The following VAV2 variants were observed in gnomAD, a reference collection of about 807,000 sequenced individuals.
The protein encoded by VAV2 is guanine nucleotide exchange factor VAV2.
A neutral mutation model predicts 132.5 loss-of-function variants in VAV2; 67 were observed. The ratio of observed to expected loss-of-function variants is 0.51; its 90% CI spans 0.42 to 0.62. The LOEUF is 0.62. Ranked by LOEUF, VAV2 falls within the 20% of genes least tolerant of loss-of-function variation. The probability of loss-of-function intolerance (pLI) is 0.00; values close to 1 mark genes in which losing one functional copy is unlikely to be tolerated. For synonymous variants in VAV2, 492 were observed against 443.5 expected (o/e 1.11, Z -1.37); for missense variants, 938 against 1,153.6 (o/e 0.81, Z 2.71).
intron 1 of VAV2, among the ~76,000 whole-genome samples, chr9:133,940,672 C>CGTGTGTGCGTGTGTGTGT (rs1841108049): frequency 7.2e-6 from 1 of 139,240 alleles, no homozygotes; most frequent in Non-Finnish European, 1.6e-5. Flanking sequence ...TGTCCACGTG[C>CGTGTGTGCGTGTGTGTGT]GTGTGTGTGT....
intron 16 of VAV2, among the ~76,000 whole-genome samples, chr9:133,786,850 G>A (rs1247944001): frequency 6.6e-6 from 1 of 152,228 alleles, no homozygotes; most frequent in African/African-American, 2.4e-5. Flanking sequence ...ACGAAGGGAG[G>A]GATGGAGAGG....
chr9:133,788,996 G>C lies in VAV2; in HGVS notation c.1274+262C>G, dbSNP rs896840951. On this transcript the variant is annotated intron_variant, in intron 14 of 29. Transcript: ENST00000371850. This position sits in a 1 kb window ranked among gnomAD's most constrained non-coding sequence, Gnocchi z 5.3. The stretch of plus-strand genomic sequence containing the variant: ...CTTGGGTTCCTGGAGGCTGAGCATT[G>C]GCAGTGAGGGGCCTGGCCCTCATCT... 6.6e-6 allele frequency among the ~76,000 whole-genome samples: 1 copy of C among 152,236 alleles called. No individual in the cohort carries two copies. The highest frequency in any genetic ancestry group is 1.5e-5 in the Non-Finnish European group (1 of 68,036).
Position 133,783,878 on chromosome 9 carries a change from T to TC in VAV2, c.1635-288_1635-287insG, listed in dbSNP as rs1491479843. On this transcript the variant is annotated intron_variant, in intron 18 of 29. Coordinates refer to ENST00000371850, the MANE Select transcript of VAV2 (RefSeq NM_001134398.2). ...AAACTCTAAGGGCTTGGCTGGGCCG[T>TC]TTTTTTTTTTTTTTTTTTTGGAGAC... Among the ~76,000 whole-genome samples the TC allele has an allele frequency of 1.1e-3, 5 of 4,522 alleles. No individual in the cohort carries two copies. The East Asian group carries it at 0.045, about 41-fold the overall frequency. 3.0% of individuals were successfully genotyped at this position (4,522 alleles called of 152,430 possible). A position where few individuals can be genotyped will look rare whatever the true frequency, so the allele number is the denominator to read the frequency against.
intron 4 of VAV2, among the ~76,000 whole-genome samples, chr9:133,815,678 A>C (rs1835529587): frequency 6.6e-6 from 1 of 152,204 alleles, no homozygotes; most frequent in Non-Finnish European, 1.5e-5. Context: ...CATGAACAAC[A>C]ACGTGCTACC....
At chr9:133,817,186 T>C (rs1446872293) in intron 4 of VAV2, among the ~76,000 whole-genome samples, 1 of 152,264 alleles carries the variant, frequency 6.6e-6, no homozygotes, top group African/African-American at 2.4e-5. Flanking sequence ...CGACAGAGGC[T>C]TTGGAATTTA....
intron 1 of VAV2, among the ~76,000 whole-genome samples, chr9:133,970,242 C>T (rs2132253995): frequency 6.6e-6 from 1 of 152,328 alleles, no homozygotes; most frequent in East Asian, 1.9e-4. Context: ...CACAGGAAGG[C>T]CTGGGGAAGG....
At chr9:133,791,287 G>A (rs1834448784) in intron 13 of VAV2, among the ~76,000 whole-genome samples, 1 of 152,180 alleles carries the variant, frequency 6.6e-6, no homozygotes, top group Non-Finnish European at 1.5e-5. Context: ...GGAGGTGGCA[G>A]CCCTGCCTGA....
chr9:133,797,940 G>T, intron 9 of VAV2, 131 bp from the exon 10 acceptor site: 1 of 718,754 alleles, frequency 1.4e-6, no homozygotes, highest in Non-Finnish European at 2.2e-6. Context: ...ACAGCTCCCT[G>T]CACGTGGACA....
chr9:133,812,175 C>A lies in VAV2; in HGVS notation c.491G>T (p.Cys164Phe). 2.5e-6 allele frequency: 4 copies of A among 1,614,014 alleles called. 1 individual carries two copies. The South Asian group carries it at 4.4e-5, about 18-fold the overall frequency. Reference sequence around the variant, plus strand: ...GTAGATGTCGTCCCCTCCATCCTCACACGGGACGCAGTCGTAGATGTCCTC... The same window carrying A: ...GTAGATGTCGTCCCCTCCATCCTCAAACGGGACGCAGTCGTAGATGTCCTC... ...LGEDIYDCVP[C>F]EDGGDDIYED... is the part of the protein sequence containing the mutation. Residue 164 changes from cysteine to phenylalanine, a missense_variant, in exon 5 of 30, where the codon TGT (cysteine) becomes TTT (phenylalanine). Coordinates refer to ENST00000371850, the MANE Select transcript of VAV2 (RefSeq NM_001134398.2).
Position 133,935,033 on chromosome 9 carries a change from C to A in VAV2, c.321+4070G>T, listed in dbSNP as rs552878293. 6.6e-6 allele frequency among the ~76,000 whole-genome samples: 1 copy of A among 151,968 alleles called. No homozygotes were observed. Among genetic ancestry groups the A allele is most frequent in the Non-Finnish European group, 1.5e-5 (1 of 67,928 alleles). Reference sequence around the variant, plus strand: ...ACCCCCTCGGTTACCCCTGACCAGCCCCACCCACCCCAGACGACAGTCAGT... The same window carrying A: ...ACCCCCTCGGTTACCCCTGACCAGCACCACCCACCCCAGACGACAGTCAGT... On this transcript the variant is annotated intron_variant, in intron 2 of 29. Coordinates refer to ENST00000371850, the MANE Select transcript of VAV2 (RefSeq NM_001134398.2). The surrounding 1 kb of genome is among the most constrained non-coding windows in gnomAD (Gnocchi z 5.2).
chr9:133,774,772 C>T (rs551176316), intron 25 of VAV2, among the ~76,000 whole-genome samples, 163 bp downstream of exon 25: 1 of 152,170 alleles, frequency 6.6e-6, no homozygotes, highest in South Asian at 2.1e-4. Flanking sequence ...TGTAGAGACC[C>T]CCTGACCCCT....
chr9:133,888,301 G>C (rs991522572), intron 2 of VAV2, among the ~76,000 whole-genome samples: 1 of 152,254 alleles, frequency 6.6e-6, no homozygotes, highest in African/African-American at 2.4e-5. Flanking sequence ...ACAGCAACGT[G>C]AGTGTGTTCA....
Position 133,777,475 on chromosome 9 carries a change from AAG to A in VAV2, c.1891-14_1891-13del. On this transcript the variant is annotated splice_polypyrimidine_tract_variant and intron_variant, in intron 22 of 29. Coordinates refer to ENST00000371850, the MANE Select transcript of VAV2 (RefSeq NM_001134398.2). ...TGTACCAGACGACCCTGGCAGAGGA[AAG>A]AGATGGTTAGGACAAGGGGGCCGAG... is the stretch of plus-strand genomic sequence containing the variant. 6.2e-7 allele frequency: 1 copy of A among 1,613,332 alleles called. No individual in the cohort carries two copies. The highest frequency in any genetic ancestry group is 1.1e-5 in the South Asian group (1 of 91,078).
At chr9:133,814,610 G>A (rs1564372584) in intron 4 of VAV2, among the ~76,000 whole-genome samples, 1 of 152,218 alleles carries the variant, frequency 6.6e-6, no homozygotes, top group Non-Finnish European at 1.5e-5. Flanking sequence ...TGATGACATG[G>A]ATCAAAAACG....
intron 2 of VAV2, among the ~76,000 whole-genome samples, chr9:133,897,021 G>T (rs1288783245): frequency 6.6e-6 from 1 of 152,120 alleles, no homozygotes; most frequent in African/African-American, 2.4e-5. Context: ...GTGAACCCGG[G>T]AGGCGGAGCT....
chr9:133,814,416 G>A (rs953961089), intron 4 of VAV2, among the ~76,000 whole-genome samples: 4 of 152,196 alleles, frequency 2.6e-5, no homozygotes, highest in African/African-American at 9.7e-5. Flanking sequence ...CGAGGCTGGC[G>A]GCAAAGCCTC....
chr9:133,834,473 G>A lies in VAV2; in HGVS notation c.381-133C>T, dbSNP rs1379151811. The stretch of plus-strand genomic sequence containing the variant: ...AGGGGCTCTTGTCCACTCTCTGGAA[G>A]GACACAGGGTGCGCGGACACTGATC... On this transcript the variant is annotated intron_variant, in intron 3 of 29. Coordinates refer to ENST00000371850, the MANE Select transcript of VAV2 (RefSeq NM_001134398.2). This position sits in a 1 kb window ranked among gnomAD's most constrained non-coding sequence, Gnocchi z 5.9. 3.4e-6 allele frequency: 3 copies of A among 895,250 alleles called. No homozygotes were observed. The East Asian group carries it at 8.0e-5, about 24-fold the overall frequency. The allele number at this position is 895,250 out of a possible 1,614,324, so 55.5% of individuals were successfully genotyped here.
chr9:133,952,208 G>C (rs184840342), intron 1 of VAV2, among the ~76,000 whole-genome samples: 1 of 152,244 alleles, frequency 6.6e-6, no homozygotes, highest in Non-Finnish European at 1.5e-5. Context: ...AAGTGTAATG[G>C]GTTGAATGGG....
chr9:133,858,194 C>T lies in VAV2; in HGVS notation c.380+3180G>A, dbSNP rs574392083. Among the ~76,000 whole-genome samples, 23 of 152,302 alleles carry T rather than the reference C, an allele frequency of 1.5e-4. No individual in the cohort carries two copies. The South Asian group carries it at 3.9e-3, about 26-fold the overall frequency. On this transcript the variant is annotated intron_variant, in intron 3 of 29. Transcript: ENST00000371850. The stretch of plus-strand genomic sequence containing the variant: ...TTTGTATACCTGAGGCGTTGGGCCA[C>T]GCAGCGTATGCTCACAATGTGGTTT...
Sources: allele counts gnomAD v4.1 joint callset (sites outside exome capture counted in the v4.1 genomes callset), GRCh38; gene constraint gnomAD v4.1.1; non-coding constraint Gnocchi (gnomAD v3.1); transcripts MANE v1.5; gene names NCBI Gene and HGNC (gene_info 2026-07-23, HGNC 2026-07-21).